Variants in RNF157 observed in about 807,000 individuals in gnomAD.
The protein encoded by RNF157 is E3 ubiquitin ligase RNF157.
A neutral mutation model predicts 88.3 loss-of-function variants in RNF157; 55 were observed. That is an observed-to-expected ratio of 0.62 (90% CI 0.50 to 0.78). The LOEUF (loss-of-function observed/expected upper bound fraction) is 0.78, where lower values mean the gene tolerates loss of function less well. Among genes scored for constraint, RNF157 ranks in the 30% least tolerant of loss-of-function variants. The pLI is 0.00. For synonymous variants in RNF157, 334 were observed against 341.2 expected, an observed-to-expected ratio of 0.98 and a Z score of 0.23; for missense variants, 788 against 860.8, an observed-to-expected ratio of 0.92 and a Z score of 1.06.
At chr17:76,210,817 T>C (rs1050128389) in intron 2 of RNF157, among the ~76,000 whole-genome samples, 1 of 152,040 alleles carries the variant, frequency 6.6e-6, no homozygotes, top group Non-Finnish European at 1.5e-5. Context: ...CCTTTCTCTT[T>C]TTTTTGAAAC....
intron 4 of RNF157, 33 bp from the exon 5 acceptor site, chr17:76,167,159 C>A: frequency 6.6e-7 from 1 of 1,511,600 alleles, no homozygotes; most frequent in South Asian, 1.1e-5. Context: ...AAGCAAAAGT[C>A]AGTATCCGGC....
rs145194609 is a variant in RNF157 at position 76,146,066 on chromosome 17, T to C, written c.1922-713A>G. On this transcript the variant is annotated intron_variant, in intron 18 of 18. Transcript: ENST00000269391. This position sits in a 1 kb window ranked among gnomAD's most constrained non-coding sequence, Gnocchi z 4.2. ...TCTGCTGCTGCCCCCACATGAGGAG[T>C]GCCAGCGCCTGTCTGGAAACCCATT... is the stretch of plus-strand genomic sequence containing the variant. Among the ~76,000 whole-genome samples, 7 of 152,096 alleles carry C rather than the reference T, an allele frequency of 4.6e-5. No individual in the cohort carries two copies. The highest frequency in any genetic ancestry group is 1.3e-4 in the Admixed American group (2 of 15,282).
At chr17:76,165,570 TGAA>T (rs761302187) in intron 6 of RNF157, 25 bp from the exon 7 acceptor site, 1 of 1,613,894 alleles carries the variant, frequency 6.2e-7, no homozygotes. Context: ...GGCACGTGAG[TGAA>T]GAAGCCCAAA....
rs1052432081 is a variant in RNF157, at chr17:76,176,080, C to T, written c.208-2290G>A. Among the ~76,000 whole-genome samples the T allele has an allele frequency of 6.6e-6, 1 of 152,208 alleles. No homozygotes were observed. The highest frequency in any genetic ancestry group is 1.5e-5 in the Non-Finnish European group (1 of 68,038). On this transcript the variant is annotated intron_variant, in intron 2 of 18. Coordinates refer to ENST00000269391, the MANE Select transcript of RNF157 (RefSeq NM_052916.3). This position sits in a 1 kb window ranked among gnomAD's most constrained non-coding sequence, Gnocchi z 4.2. Reference sequence around the variant, plus strand: ...GGGCTGCTACCCACCAAAGTTTGTGCCTTGCTGGCCTTGCATTCATGCAAT... The same window carrying T: ...GGGCTGCTACCCACCAAAGTTTGTGTCTTGCTGGCCTTGCATTCATGCAAT...
chr17:76,225,983 C>A, intron 1 of RNF157: 1 of 1,611,128 alleles, frequency 6.2e-7, no homozygotes, highest in Non-Finnish European at 8.5e-7. Context: ...CAGTTTCTCA[C>A]CCTTTACTTT....
rs1055721673 is a variant in RNF157, at chr17:76,155,628, A to G, written c.1632T>C (p.Thr544=). The change falls in exon 15 of 19, where the codon ACT becomes ACC. Residue 544 remains threonine (T), a synonymous_variant. Transcript: ENST00000269391. The stretch of plus-strand genomic sequence containing the variant: ...AAGAGAGAGCCTCTCCCTCCTCTTC[A>G]GTGCCAGGGGCGATGTAGGAGCCAG... ...SMSGSYIAPG[T]EEEGEALSSP... The G allele has an allele frequency of 1.2e-6, 2 of 1,613,818 alleles. No homozygotes were observed. Among genetic ancestry groups the G allele is most frequent in the Non-Finnish European group, 1.7e-6 (2 of 1,179,940 alleles).
intron 2 of RNF157, among the ~76,000 whole-genome samples, chr17:76,189,242 TA>T (rs1438429077): frequency 6.6e-6 from 1 of 152,242 alleles, no homozygotes; most frequent in Non-Finnish European, 1.5e-5. Flanking sequence ...GTGTTGCAGT[TA>T]TGTAAGATGT....
chr17:76,232,698 T>C (rs1379812444), intron 1 of RNF157, among the ~76,000 whole-genome samples: 1 of 152,244 alleles, frequency 6.6e-6, no homozygotes, highest in African/African-American at 2.4e-5. Flanking sequence ...TGTACTATTT[T>C]ACATTTCCCA....
intron 2 of RNF157, among the ~76,000 whole-genome samples, chr17:76,190,170 C>CT (rs71161273): frequency 0.025 from 3,138 of 123,540 alleles, 74 homozygotes; most frequent in African/African-American, 0.065. Context: ...CTTGCTCTCT[C>CT]TTTTTTTTTT....
At chr17:76,230,836 T>TAAA (rs1160772405) in intron 1 of RNF157, among the ~76,000 whole-genome samples, 9 of 70,384 alleles carry the variant, frequency 1.3e-4, no homozygotes, top group Non-Finnish European at 1.5e-4. Flanking sequence ...AGACTCCATC[T>TAAA]AAAAAAAAAA....
chr17:76,177,468 C>A (rs1297917030), intron 2 of RNF157, among the ~76,000 whole-genome samples: 1 of 151,954 alleles, frequency 6.6e-6, no homozygotes, highest in African/African-American at 2.4e-5. Context: ...GACAAGCCAG[C>A]CCCCTGCTGC....
intron 2 of RNF157, among the ~76,000 whole-genome samples, chr17:76,190,250 T>G (rs2069362665): frequency 6.6e-6 from 1 of 151,792 alleles, no homozygotes; most frequent in Admixed American, 6.6e-5. Flanking sequence ...CACTGCGACT[T>G]CCACCTCCCG....
chr17:76,225,339 GA>G (rs1205830117), intron 1 of RNF157, among the ~76,000 whole-genome samples: 1 of 152,062 alleles, frequency 6.6e-6, no homozygotes, highest in Admixed American at 6.6e-5. Flanking sequence ...AAAAGAAATA[GA>G]AATACACAAT....
chr17:76,189,923 G>A (rs1377142617), intron 2 of RNF157, among the ~76,000 whole-genome samples: 1 of 152,182 alleles, frequency 6.6e-6, no homozygotes, highest in Non-Finnish European at 1.5e-5. Context: ...CCAGGCGCAA[G>A]AAGCAGTGGG....
At chr17:76,216,082 T>C (rs1195502713) in intron 1 of RNF157, among the ~76,000 whole-genome samples, 1 of 152,188 alleles carries the variant, frequency 6.6e-6, no homozygotes, top group East Asian at 1.9e-4. Flanking sequence ...ATTTATCATA[T>C]ATTAGGTAAA....
Position 76,161,621 on chromosome 17 carries a change from C to A in RNF157, c.979G>T (p.Ala327Ser), listed in dbSNP as rs1199015614. 5 of 1,613,946 alleles carry A rather than the reference C, an allele frequency of 3.1e-6. No individual in the cohort carries two copies. In the African/African-American group the frequency reaches 5.3e-5, roughly 17 times the overall value. Reference sequence around the variant, plus strand: ...AAGGGGCCCAATTTTTTCCTCATGGCTCGGATCTGAAGCAGTGCCCGGAAG... The same window carrying A: ...AAGGGGCCCAATTTTTTCCTCATGGATCGGATCTGAAGCAGTGCCCGGAAG... ...LPFRALLQIR[A>S]MRKKLGPLSP... is the part of the protein sequence containing the mutation. The change falls in exon 11 of 19, where the codon GCC (alanine) becomes TCC (serine). Residue 327 changes from alanine (A) to serine (S), a missense_variant. Ala to Ser is a moderately conservative substitution (Grantham distance 99). Transcript: ENST00000269391. The surrounding 1 kb of genome is among the most constrained non-coding windows in gnomAD (Gnocchi z 4.6).
intron 2 of RNF157, among the ~76,000 whole-genome samples, chr17:76,203,250 C>G (rs1234651244): frequency 6.6e-6 from 1 of 152,104 alleles, no homozygotes; most frequent in Non-Finnish European, 1.5e-5. Context: ...CTCAGTCTCC[C>G]AAAATGCTGC....
Position 76,167,077 on chromosome 17 carries a change from G to A in RNF157, c.493C>T (p.Arg165Ter), listed in dbSNP as rs369505795. 4 of 1,613,324 alleles carry A rather than the reference G, an allele frequency of 2.5e-6. No homozygotes were observed. The highest frequency in any genetic ancestry group is 1.1e-5 in the South Asian group (1 of 91,016). ...AGGCAGAACTGCTGACACACTCCTC[G>A]CTTGTACTGCACAGTCTCCGACTGG... The part of the protein sequence containing the change: ...SLQSETVQYK[R>*]GVCQQFCLPS... Residue 165 changes from arginine to a stop codon, truncating the protein, a stop_gained, in exon 5 of 19, where the codon CGA becomes TGA. Transcript: ENST00000269391. LOFTEE classifies it high-confidence loss of function.
chr17:76,216,649 T>C lies in RNF157; in HGVS notation c.89-4167A>G, dbSNP rs559821672. On this transcript the variant is annotated intron_variant, in intron 1 of 18. Transcript: ENST00000269391. Reference sequence around the variant, plus strand: ...CAGTCAGTAGAGTATTATGAAGCCTTTCAAAGTGGTGTTGTAAATCTATAT... The same window carrying C: ...CAGTCAGTAGAGTATTATGAAGCCTCTCAAAGTGGTGTTGTAAATCTATAT... Among the ~76,000 whole-genome samples the C allele has an allele frequency of 1.1e-4, 17 of 151,966 alleles. No homozygotes were observed. The South Asian group carries it at 1.2e-3, about 11-fold the overall frequency.
Sources: allele counts gnomAD v4.1 joint callset (sites outside exome capture counted in the v4.1 genomes callset), GRCh38; gene constraint gnomAD v4.1.1; non-coding constraint Gnocchi (gnomAD v3.1); transcripts MANE v1.5; gene names NCBI Gene and HGNC (gene_info 2026-07-23, HGNC 2026-07-21).